The following CLSTN2 variants were observed in gnomAD, a reference collection of about 807,000 sequenced individuals.
CLSTN2 encodes calsyntenin-2.
CLSTN2 carries 48 observed loss-of-function variants against 101.2 expected under a neutral mutation model. That is an observed-to-expected ratio of 0.47 (90% CI 0.38 to 0.60). The LOEUF (loss-of-function observed/expected upper bound fraction) is 0.60. Ranked by LOEUF, CLSTN2 falls within the 20% of genes least tolerant of loss-of-function variation. The pLI is 0.00. For synonymous variants in CLSTN2, 481 were observed against 463.6 expected (o/e 1.04, Z -0.48); for missense variants, 1,160 against 1,238.2 (o/e 0.94, Z 0.95).
intron 4 of CLSTN2, among the ~76,000 whole-genome samples, chr3:140,407,865 G>C (rs2088321351): frequency 6.6e-6 from 1 of 152,186 alleles, no homozygotes; most frequent in South Asian, 2.1e-4. Context: ...CTGAGTGTTA[G>C]CCCCAAGACC....
chr3:140,514,180 G>A lies in CLSTN2; in HGVS notation c.1345-18144G>A, dbSNP rs565821277. ...AATAGGTTTTTGGAGAACAGGTGGC[G>A]TTTGGCTACATGAATAAGTTCTTTA... is the stretch of plus-strand genomic sequence containing the variant. On this transcript the variant is annotated intron_variant, in intron 8 of 16. Coordinates refer to ENST00000458420, the MANE Select transcript of CLSTN2 (RefSeq NM_022131.3). Among the ~76,000 whole-genome samples, 12 of 151,994 alleles carry A rather than the reference G, an allele frequency of 7.9e-5. No individual in the cohort carries two copies. In the South Asian group the frequency reaches 1.0e-3, roughly 13 times the overall value.
At chr3:140,135,105 CACACACACACACATATAT>C (rs1363407754) in intron 1 of CLSTN2, among the ~76,000 whole-genome samples, 38 of 53,298 alleles carry the variant, frequency 7.1e-4, no homozygotes, top group African/African-American at 3.2e-3. Flanking sequence ...CACACACACA[CACACACACACACATATAT>C]ATATATATAT....
chr3:140,133,773 C>T (rs140384134), intron 1 of CLSTN2, among the ~76,000 whole-genome samples: 6 of 152,128 alleles, frequency 3.9e-5, no homozygotes, highest in Non-Finnish European at 7.4e-5. Flanking sequence ...TGCAGCAAAA[C>T]CAAAAATATT....
chr3:140,163,298 G>T (rs1051172729), intron 1 of CLSTN2, among the ~76,000 whole-genome samples: 1 of 152,088 alleles, frequency 6.6e-6, no homozygotes, highest in Non-Finnish European at 1.5e-5. Flanking sequence ...GAAAAAAGTT[G>T]CCTCAAGATT....
chr3:140,501,400 C>CTAGATGCAGGAAGGAGGGGCACGCT (rs1934574704), intron 8 of CLSTN2, among the ~76,000 whole-genome samples: 1 of 152,162 alleles, frequency 6.6e-6, no homozygotes, highest in African/African-American at 2.4e-5. Context: ...AGCCTGAAGG[C>CTAGATGCAGGAAGGAGGGGCACGCT]TAGATGCAGG....
At chr3:140,278,931 G>T (rs1001034088) in intron 2 of CLSTN2, among the ~76,000 whole-genome samples, 1 of 152,074 alleles carries the variant, frequency 6.6e-6, no homozygotes, top group African/African-American at 2.4e-5. Flanking sequence ...ATGTTTCCTG[G>T]ACTGGTCTTG....
intron 2 of CLSTN2, among the ~76,000 whole-genome samples, chr3:140,368,658 A>G (rs1310634966): frequency 6.6e-6 from 1 of 152,118 alleles, no homozygotes; most frequent in Non-Finnish European, 1.5e-5. Flanking sequence ...TGACTAGCAC[A>G]GGTAGGGAAT....
chr3:140,412,345 ACAAG>A (rs2088374686), intron 4 of CLSTN2, among the ~76,000 whole-genome samples: 2 of 152,132 alleles, frequency 1.3e-5, no homozygotes, highest in Admixed American at 6.5e-5. Context: ...TGGCTTTAAA[ACAAG>A]CAGGCATGAG....
rs536079529 is a variant in CLSTN2, at chr3:140,381,290, CA to C, written c.233-22338del. Among the ~76,000 whole-genome samples, 27 of 152,290 alleles carry C rather than the reference CA, an allele frequency of 1.8e-4. 1 individual carries two copies. In the South Asian group the frequency reaches 5.6e-3, roughly 32 times the overall value. ...TACATAGTCATATTGGATTAGAGCCCACCCTAGTGACTTCATTTTAACCTGA... is the reference window on the plus strand; with the variant it reads ...TACATAGTCATATTGGATTAGAGCCCCCCTAGTGACTTCATTTTAACCTGA... On this transcript the variant is annotated intron_variant, in intron 2 of 16. Coordinates refer to ENST00000458420, the MANE Select transcript of CLSTN2 (RefSeq NM_022131.3).
chr3:140,199,829 G>A (rs928982515), intron 2 of CLSTN2, among the ~76,000 whole-genome samples: 1 of 152,210 alleles, frequency 6.6e-6, no homozygotes, highest in Non-Finnish European at 1.5e-5. Flanking sequence ...TGGCCATCAG[G>A]TGGACTCAGA....
At position 140,404,638 on chromosome 3, in the gene CLSTN2, C is replaced by T. The variant is rs766373799; in HGVS notation, c.509C>T (p.Thr170Met). 3.6e-5 allele frequency: 58 copies of T among 1,614,036 alleles called. No individual in the cohort carries two copies. Among genetic ancestry groups the T allele is most frequent in the African/African-American group, 6.7e-5 (5 of 74,928 alleles). The change falls in exon 4 of 17, where the codon ACG becomes ATG. Residue 170 changes from threonine (T) to methionine (M), a missense_variant. Physicochemically the swap from Thr to Met is moderately conservative, Grantham distance 81 (BLOSUM62 -1). Coordinates refer to ENST00000458420, the MANE Select transcript of CLSTN2 (RefSeq NM_022131.3). ...FKEPAYKAVV[T>M]EGKIYDSILQ... ...GAGCCAGCCTACAAGGCTGTTGTGA[C>T]GGAGGGCAAGATCTATGACAGCATT... is the stretch of plus-strand genomic sequence containing the variant.
intron 2 of CLSTN2, among the ~76,000 whole-genome samples, chr3:140,301,306 A>AT (rs1373550008): frequency 6.6e-6 from 1 of 152,218 alleles, no homozygotes; most frequent in African/African-American, 2.4e-5. Context: ...TACTTAATGT[A>AT]TTTTTAATAA....
intron 8 of CLSTN2, among the ~76,000 whole-genome samples, chr3:140,484,280 C>A (rs1461670753): frequency 6.6e-6 from 1 of 152,060 alleles, no homozygotes; most frequent in Non-Finnish European, 1.5e-5. Flanking sequence ...TTAAGAATGT[C>A]GAATATTGGC....
At chr3:140,294,250 G>A (rs1230242445) in intron 2 of CLSTN2, among the ~76,000 whole-genome samples, 1 of 152,146 alleles carries the variant, frequency 6.6e-6, no homozygotes, top group African/African-American at 2.4e-5. Context: ...ACCTAACAGG[G>A]TAATTACAAA....
chr3:140,076,205 G>A (rs186311755), intron 1 of CLSTN2, among the ~76,000 whole-genome samples: 17 of 152,180 alleles, frequency 1.1e-4, no homozygotes, highest in East Asian at 7.7e-4. Flanking sequence ...AATGTTCTTC[G>A]CGTTCATCCT....
intron 1 of CLSTN2, among the ~76,000 whole-genome samples, chr3:139,993,971 G>A (rs1331140989): frequency 2.6e-5 from 4 of 152,180 alleles, no homozygotes; most frequent in African/African-American, 9.7e-5. Flanking sequence ...CTGCCTGGGG[G>A]TGGTTCCGTG....
chr3:140,216,121 C>G (rs190429114), intron 2 of CLSTN2, among the ~76,000 whole-genome samples: 113 of 152,246 alleles, frequency 7.4e-4, no homozygotes, highest in Non-Finnish European at 1.5e-4. Flanking sequence ...TATTGTGAAC[C>G]GTGCATGTGA....
intron 1 of CLSTN2, among the ~76,000 whole-genome samples, chr3:140,158,984 A>C (rs552003601): frequency 6.6e-6 from 1 of 152,204 alleles, no homozygotes; most frequent in Non-Finnish European, 1.5e-5. Flanking sequence ...AATATACAGA[A>C]GAATGAAACT....
At chr3:140,423,273 G>A (rs78447736) in intron 5 of CLSTN2, among the ~76,000 whole-genome samples, 5,934 of 152,238 alleles carry the variant, frequency 0.039, 368 homozygotes, top group African/African-American at 0.13. Context: ...ACCTTATAGC[G>A]CACACTGCTG....
Sources: gnomAD v4.1 joint callset for allele counts (sites outside exome capture counted in the v4.1 genomes callset) on GRCh38, gnomAD v4.1.1 for gene constraint, MANE v1.5 for transcripts, NCBI Gene and HGNC (gene_info 2026-07-23, HGNC 2026-07-21) for gene names.